Variants in STK10 observed in about 807,000 individuals in gnomAD.
STK10 encodes serine/threonine kinase 10.
A neutral mutation model predicts 113.8 loss-of-function variants in STK10; 78 were observed. The observed-to-expected ratio is 0.69, with a 90% CI of 0.57 to 0.83. STK10 has a LOEUF of 0.83. Among genes scored for constraint, STK10 ranks in the 40% least tolerant of loss-of-function variants. STK10 has a pLI of 0.00. For missense variants in STK10, 1,109 were observed against 1,280.1 expected (o/e 0.87, Z 2.04); for synonymous variants, 465 against 494.7 (o/e 0.94, Z 0.80).
At position 172,055,743 on chromosome 5, in the gene STK10, T is replaced by C. The variant is rs1767737061; in HGVS notation, c.2371A>G (p.Met791Val). 7 of 1,554,704 alleles carry C rather than the reference T, an allele frequency of 4.5e-6. No homozygotes were observed. Among genetic ancestry groups the C allele is most frequent in the East Asian group, 2.4e-5 (1 of 42,020 alleles). The change falls in exon 16 of 19, where the codon ATG becomes GTG. Residue 791 changes from methionine to valine, a missense_variant. By Grantham distance (21) the Met-to-Val change is conservative. Around this residue, in one of 5 missense-constraint regions of STK10, gnomAD observed 885 missense variants for 991.1 expected, o/e 0.89. Transcript: ENST00000176763. ...REQMQRYNQR[M>V]IEQLKVRQQQ... ...TGCCGCACCTTCAGCTGCTCTATCA[T>C]GCGCTGGTTGTAGCGCTGCATCTGC...
rs190487827 is a variant in STK10 at position 172,113,040 on chromosome 5, G to A, written c.520+4441C>T. ...TAGGATTACAGGCATGAGCCAACGC[G>A]CCCGACCCACTTTTGTTCTTTAAAA... is the stretch of plus-strand genomic sequence containing the variant. On this transcript the variant is annotated intron_variant, in intron 4 of 18. Coordinates refer to ENST00000176763, the MANE Select transcript of STK10 (RefSeq NM_005990.4). Among the ~76,000 whole-genome samples, 350 of 152,298 alleles carry A rather than the reference G, an allele frequency of 2.3e-3. 3 individuals carry two copies. Among genetic ancestry groups the A allele is most frequent in the African/African-American group, 7.9e-3 (329 of 41,560 alleles).
In STK10 at chr5:172,187,847, C is replaced by T. The variant is rs1770984734; in HGVS notation, c.156+40G>A. 1.9e-6 allele frequency: 3 copies of T among 1,603,968 alleles called. No homozygotes were observed. The highest frequency in any genetic ancestry group is 1.3e-5 in the African/African-American group (1 of 74,634). ...CTCAGGCATCCCTTCCTTCCGGAGC[C>T]CCTCGACGCGCGTCCGGCCACCCAC... On this transcript the variant is annotated intron_variant, in intron 1 of 18. Transcript: ENST00000176763. This position sits in a 1 kb window ranked among gnomAD's most constrained non-coding sequence, Gnocchi z 4.6.
At position 172,188,107 on chromosome 5, in the gene STK10, G is replaced by A; in HGVS notation, c.-65C>T. ...GGCTCGGGCTGTGGCTTCGGCGGCCGCGAGGAGAAGGAGGAGGAGTTGGAG... is the reference window on the plus strand; with the variant it reads ...GGCTCGGGCTGTGGCTTCGGCGGCCACGAGGAGAAGGAGGAGGAGTTGGAG... On this transcript the variant is annotated 5_prime_UTR_variant, in exon 1 of 19. Transcript: ENST00000176763. This position sits in a 1 kb window ranked among gnomAD's most constrained non-coding sequence, Gnocchi z 5.6. 3 of 1,564,002 alleles carry A rather than the reference G, an allele frequency of 1.9e-6. No homozygotes were observed. Among genetic ancestry groups the A allele is most frequent in the Non-Finnish European group, 2.6e-6 (3 of 1,155,590 alleles).
rs775107025 is a variant in STK10 at position 172,082,342 on chromosome 5, T to C, written c.1973A>G (p.Lys658Arg). Residue 658 changes from lysine (K) to arginine (R), a missense_variant, in exon 12 of 19, where the codon AAA (lysine) becomes AGA (arginine). Physicochemically the swap from Lys to Arg is conservative, Grantham distance 26 (BLOSUM62 2). Coordinates refer to ENST00000176763, the MANE Select transcript of STK10 (RefSeq NM_005990.4). The surrounding 1 kb of genome is among the most constrained non-coding windows in gnomAD (Gnocchi z 4.3). The part of the protein sequence containing the change: ...RDYTRFQEQL[K>R]LMKKEVKNEV... ...CATACTCACCTCTTTCTTCATCAGTTTGAGCTGCTCTTGGAACCTGGTGTA... is the reference window on the plus strand; with the variant it reads ...CATACTCACCTCTTTCTTCATCAGTCTGAGCTGCTCTTGGAACCTGGTGTA... 1.6e-5 allele frequency: 25 copies of C among 1,573,068 alleles called. No individual in the cohort carries two copies. The highest frequency in any genetic ancestry group is 2.0e-5 in the Non-Finnish European group (23 of 1,162,362).
chr5:172,070,118 T>G (rs1768144023), intron 12 of STK10, among the ~76,000 whole-genome samples: 1 of 151,838 alleles, frequency 6.6e-6, no homozygotes, highest in African/African-American at 2.4e-5. Flanking sequence ...TGTGGTGGCA[T>G]GTGCCTGTAA....
intron 1 of STK10, 84 bp from the exon 2 acceptor site, chr5:172,156,872 G>T: frequency 6.7e-7 from 1 of 1,487,946 alleles, no homozygotes; most frequent in South Asian, 1.3e-5. Context: ...TCCTGCATGA[G>T]TGTGAAAACA....
At chr5:172,184,758 T>G (rs757500460) in intron 1 of STK10, among the ~76,000 whole-genome samples, 1 of 152,170 alleles carries the variant, frequency 6.6e-6, no homozygotes. Flanking sequence ...TTCAAGCAAT[T>G]CTCCTGCCTC....
intron 7 of STK10, among the ~76,000 whole-genome samples, chr5:172,102,401 G>C (rs1487431708): frequency 2.6e-5 from 4 of 152,206 alleles, no homozygotes; most frequent in Non-Finnish European, 5.9e-5. Flanking sequence ...AAAGATCCAA[G>C]TGCTCAGCGT....
Position 172,107,763 on chromosome 5 carries a change from G to C in STK10, c.593+17C>G, listed in dbSNP as rs574071975. The C allele has an allele frequency of 2.2e-5, 36 of 1,613,040 alleles. No homozygotes were observed. Among genetic ancestry groups the C allele is most frequent in the Admixed American group, 1.7e-4 (10 of 59,900 alleles). ...TTACATCCAGTCCATTCCATTTCCA[G>C]AAGCTACACGACTCACCAGTAAGGC... On this transcript the variant is annotated intron_variant, in intron 5 of 18. Coordinates refer to ENST00000176763, the MANE Select transcript of STK10 (RefSeq NM_005990.4).
intron 1 of STK10, among the ~76,000 whole-genome samples, chr5:172,162,909 C>T (rs6870231): frequency 0.61 from 92,851 of 152,116 alleles, 30,694 homozygotes; most frequent in African/African-American, 0.89. Context: ...AAAGGCAGCA[C>T]TGACCAGACG....
chr5:172,067,514 G>A (rs1009052827), intron 12 of STK10, among the ~76,000 whole-genome samples: 96 of 152,124 alleles, frequency 6.3e-4, no homozygotes, highest in African/African-American at 1.8e-3. Flanking sequence ...TGTCAGCTCC[G>A]GGATGACACA....
At chr5:172,156,920 T>C (rs1331611414) in intron 1 of STK10, 132 bp from the exon 2 acceptor site, 4 of 1,013,836 alleles carry the variant, frequency 3.9e-6, no homozygotes. Flanking sequence ...GAACGTACAT[T>C]GTTCTTAACA....
chr5:172,097,660 C>T (rs951805492), intron 7 of STK10, among the ~76,000 whole-genome samples: 2 of 152,196 alleles, frequency 1.3e-5, no homozygotes, highest in East Asian at 1.9e-4. Context: ...CATCCTGCTG[C>T]TGCTGGACAT....
At chr5:172,138,660 T>C (rs1561821823) in intron 2 of STK10, among the ~76,000 whole-genome samples, 1 of 151,774 alleles carries the variant, frequency 6.6e-6, no homozygotes, top group Non-Finnish European at 1.5e-5. Context: ...TAAGAAGAAA[T>C]AAACTTAAAA....
At chr5:172,138,929 G>A (rs1769923905) in intron 2 of STK10, among the ~76,000 whole-genome samples, 1 of 152,162 alleles carries the variant, frequency 6.6e-6, no homozygotes, top group Non-Finnish European at 1.5e-5. Flanking sequence ...CAGGAGAATG[G>A]TGTGAACCCA....
chr5:172,137,462 T>G (rs1302495898), intron 2 of STK10, among the ~76,000 whole-genome samples: 1 of 152,026 alleles, frequency 6.6e-6, no homozygotes, highest in African/African-American at 2.4e-5. Context: ...AAAAAAAAAC[T>G]ACGTGATCAT....
intron 3 of STK10, among the ~76,000 whole-genome samples, chr5:172,118,751 C>T (rs1769440575): frequency 6.6e-6 from 1 of 151,784 alleles, no homozygotes; most frequent in African/African-American, 2.4e-5. Context: ...TGGTGGTGCA[C>T]GCATGTGATC....
intron 12 of STK10, among the ~76,000 whole-genome samples, chr5:172,073,449 A>G (rs1276842131): frequency 5.3e-5 from 8 of 150,266 alleles, no homozygotes; most frequent in Non-Finnish European, 5.9e-5. Context: ...ACCGCACCCA[A>G]CCTAATTTTT....
chr5:172,076,800 CG>C (rs1768319126), intron 12 of STK10, among the ~76,000 whole-genome samples: 1 of 152,170 alleles, frequency 6.6e-6, no homozygotes, highest in South Asian at 2.1e-4. Flanking sequence ...AAATGCCTTT[CG>C]ACAGCACCAT....
Sources: allele counts gnomAD v4.1 joint callset (sites outside exome capture counted in the v4.1 genomes callset), GRCh38; gene constraint gnomAD v4.1.1; regional missense constraint gnomAD v4.1.1; non-coding constraint Gnocchi (gnomAD v3.1); transcripts MANE v1.5; gene names NCBI Gene and HGNC (gene_info 2026-07-23, HGNC 2026-07-21).